The following SAMD3 variants were observed in gnomAD, a reference collection of about 807,000 sequenced individuals.
SAMD3 encodes the protein sterile alpha motif domain containing 3.
In SAMD3, 63 loss-of-function variants were observed where a neutral mutation model predicts 58.5. The ratio of observed to expected loss-of-function variants is 1.08; its 90% CI spans 0.88 to 1.33. SAMD3 has a LOEUF of 1.33. Ranked by LOEUF, SAMD3 falls within the 40% of genes most tolerant of loss-of-function variation. The pLI, the probability that SAMD3 is intolerant of heterozygous loss-of-function variation, is 0.00. For synonymous variants in SAMD3, 220 were observed against 210.3 expected (o/e 1.05, Z -0.40); for missense variants, 604 against 608.4 (o/e 0.99, Z 0.08).
At chr6:130,274,952 T>C (rs1012650679) in intron 2 of SAMD3, among the ~76,000 whole-genome samples, 14 of 152,178 alleles carry the variant, frequency 9.2e-5, no homozygotes, top group African/African-American at 3.4e-4. Context: ...AGTCCTTTTT[T>C]TGGACCCTTG....
chr6:130,206,581 C>A (rs1795099974), intron 5 of SAMD3, among the ~76,000 whole-genome samples: 2 of 152,078 alleles, frequency 1.3e-5, no homozygotes, highest in Non-Finnish European at 2.9e-5. Flanking sequence ...TTTCTTACTG[C>A]CAAATATATA....
At chr6:130,238,130 A>T (rs1454823910) in intron 2 of SAMD3, among the ~76,000 whole-genome samples, 1 of 152,180 alleles carries the variant, frequency 6.6e-6, no homozygotes, top group Admixed American at 6.5e-5. Context: ...AAAGTCATAC[A>T]CATTTATAAA....
intron 1 of SAMD3, among the ~76,000 whole-genome samples, chr6:130,332,505 G>T (rs1047911697): frequency 1.6e-4 from 24 of 152,314 alleles, no homozygotes; most frequent in African/African-American, 5.5e-4. Flanking sequence ...GTTGAGGTGG[G>T]TGGAAAACCA....
At chr6:130,360,932 C>T (rs1777969002) in intron 1 of SAMD3, among the ~76,000 whole-genome samples, 1 of 152,142 alleles carries the variant, frequency 6.6e-6, no homozygotes, top group Non-Finnish European at 1.5e-5. Context: ...ATGGCTCTGT[C>T]CCGCCCGGCT....
At chr6:130,162,262 G>C (rs1386662887) in intron 8 of SAMD3, 6 of 701,874 alleles carry the variant, frequency 8.5e-6, no homozygotes, top group South Asian at 5.9e-5. Context: ...CCAACTTTTA[G>C]TTTAAGCTGA....
chr6:130,308,181 C>G (rs1020184399), intron 2 of SAMD3, among the ~76,000 whole-genome samples: 1 of 152,082 alleles, frequency 6.6e-6, no homozygotes, highest in African/African-American at 2.4e-5. Context: ...TTAGTCTTGA[C>G]TAAATCAGAA....
At chr6:130,270,500 T>C (rs1414362205) in intron 2 of SAMD3, among the ~76,000 whole-genome samples, 1 of 152,254 alleles carries the variant, frequency 6.6e-6, no homozygotes, top group Non-Finnish European at 1.5e-5. Context: ...CTTCTCTTTC[T>C]GTTTCAGCTT....
chr6:130,336,726 G>C (rs1777112196), intron 1 of SAMD3, among the ~76,000 whole-genome samples: 1 of 152,118 alleles, frequency 6.6e-6, no homozygotes, highest in Non-Finnish European at 1.5e-5. Context: ...GCTTTGCTTT[G>C]AGGGTCAGGG....
intron 1 of SAMD3, among the ~76,000 whole-genome samples, chr6:130,218,651 C>T (rs1796101115): frequency 6.6e-6 from 1 of 152,110 alleles, no homozygotes; most frequent in Admixed American, 6.5e-5. Context: ...GATATACAGC[C>T]AATCATGGTG....
At position 130,202,880 on chromosome 6, in the gene SAMD3, A is replaced by G. The variant is rs1397282122; in HGVS notation, c.383+6615T>C. Among the ~76,000 whole-genome samples the G allele has an allele frequency of 2.0e-5, 3 of 149,804 alleles. No homozygotes were observed. The Admixed American group carries it at 2.0e-4, about 10-fold the overall frequency. On this transcript the variant is annotated intron_variant, in intron 5 of 11. Transcript: ENST00000439090. ...TGGGACTCAGGATCTAAACGTGTCA[A>G]TTCAACACCTGTGTGGTCTTTGATG...
At chr6:130,278,816 TAGTAGTAAAGCACA>T (rs1211546659) in intron 2 of SAMD3, among the ~76,000 whole-genome samples, 1 of 152,128 alleles carries the variant, frequency 6.6e-6, no homozygotes, top group Non-Finnish European at 1.5e-5. Context: ...GAGAACTGGA[TAGTAGTAAAGCACA>T]ATAATGCCTA....
chr6:130,209,614 AAAG>A lies in SAMD3; in HGVS notation c.270-9_270-7del, dbSNP rs758378907. On this transcript the variant is annotated splice_region_variant and splice_polypyrimidine_tract_variant and intron_variant, in intron 4 of 11. Transcript: ENST00000439090. ...AGGACTCTTCATCCCTGTAACTAAG[AAAG>A]AAGAGGTGGGTCAGGCACTATTCAA... 1.9e-6 allele frequency: 3 copies of A among 1,578,636 alleles called. No individual in the cohort carries two copies. Among genetic ancestry groups the A allele is most frequent in the Non-Finnish European group, 1.7e-6 (2 of 1,148,070 alleles).
chr6:130,287,441 C>A (rs982620877), intron 2 of SAMD3, among the ~76,000 whole-genome samples: 1 of 151,932 alleles, frequency 6.6e-6, no homozygotes, highest in South Asian at 2.1e-4. Context: ...AGGGGAAAAG[C>A]AGAATAAATA....
intron 2 of SAMD3, among the ~76,000 whole-genome samples, chr6:130,294,674 A>T (rs1438237844): frequency 2.0e-5 from 3 of 150,774 alleles, no homozygotes; most frequent in African/African-American, 7.3e-5. Context: ...TCAAAATTAT[A>T]TAACTCCCTG....
At chr6:130,162,212 C>T in intron 8 of SAMD3, 1 of 699,856 alleles carries the variant, frequency 1.4e-6, no homozygotes, top group Non-Finnish European at 2.6e-6. Flanking sequence ...GTAACCTAAG[C>T]TCTCACAGAG....
chr6:130,326,097 A>G (rs979196477), intron 1 of SAMD3, among the ~76,000 whole-genome samples: 2 of 152,196 alleles, frequency 1.3e-5, no homozygotes, highest in Non-Finnish European at 2.9e-5. Flanking sequence ...TATCCAATCT[A>G]TCCCCTTATT....
At chr6:130,193,496 C>T (rs147567074) in intron 5 of SAMD3, among the ~76,000 whole-genome samples, 2 of 151,988 alleles carry the variant, frequency 1.3e-5, no homozygotes, top group Admixed American at 6.5e-5. Flanking sequence ...GTGCCCTGAC[C>T]CCTTTCCCGC....
At position 130,186,557 on chromosome 6, in the gene SAMD3, A is replaced by G. The variant is rs147394184; in HGVS notation, c.384-1934T>C. 2.6e-3 allele frequency among the ~76,000 whole-genome samples: 391 copies of G among 152,190 alleles called. 1 individual carries two copies. The highest frequency in any genetic ancestry group is 7.9e-3 in the African/African-American group (328 of 41,522). ...GCTGCAGCCCAATCTATTTTCTAGT[A>G]TGTTTCTCTTTCATTTTGTTCATTC... On this transcript the variant is annotated intron_variant, in intron 5 of 11. Transcript: ENST00000439090.
intron 2 of SAMD3, among the ~76,000 whole-genome samples, chr6:130,236,806 C>T (rs958336277): frequency 6.6e-6 from 1 of 152,142 alleles, no homozygotes; most frequent in Non-Finnish European, 1.5e-5. Context: ...GTAATTTTAG[C>T]CTGTTAAAGT....
Sources: allele counts gnomAD v4.1 joint callset (sites outside exome capture counted in the v4.1 genomes callset), GRCh38; gene constraint gnomAD v4.1.1; transcripts MANE v1.5; gene names NCBI Gene and HGNC (gene_info 2026-07-23, HGNC 2026-07-21).